The following EGFL8 variants were observed in gnomAD, a reference collection of about 807,000 sequenced individuals.
The protein encoded by EGFL8 is EGF like domain multiple 8, also known as epidermal growth factor-like protein 8.
A neutral mutation model predicts 39.4 loss-of-function variants in EGFL8; 32 were observed. The observed-to-expected ratio is 0.81, with a 90% CI of 0.61 to 1.09. The LOEUF (loss-of-function observed/expected upper bound fraction) is 1.09. EGFL8 is among the 50% of genes least tolerant of loss of function. EGFL8 has a pLI of 0.00. For synonymous variants in EGFL8, 177 were observed against 168.5 expected (o/e 1.05, Z -0.39); for missense variants, 385 against 402.2 (o/e 0.96, Z 0.37).
rs1289605084 is a variant in EGFL8, at chr6:32,167,807, T to C, written c.836-103T>C. The C allele has an allele frequency of 3.2e-6, 5 of 1,540,578 alleles. No individual in the cohort carries two copies. The Admixed American group carries it at 5.3e-5, about 16-fold the overall frequency. The stretch of plus-strand genomic sequence containing the variant: ...ACTTTACCATCGTTCTCTTCTGAAA[T>C]CCTGTCCCCAGCCCAACAGTTTCAC... On this transcript the variant is annotated intron_variant, in intron 8 of 8. Coordinates refer to ENST00000333845, the MANE Select transcript of EGFL8 (RefSeq NM_030652.4). The surrounding 1 kb of genome is among the most constrained non-coding windows in gnomAD (Gnocchi z 6.4).
At position 32,166,586 on chromosome 6, in the gene EGFL8, T is replaced by C. The variant is rs749479796; in HGVS notation, c.190T>C (p.Leu64=). The C allele has an allele frequency of 1.2e-6, 2 of 1,614,162 alleles. No homozygotes were observed. Among genetic ancestry groups the C allele is most frequent in the Non-Finnish European group, 1.7e-6 (2 of 1,180,018 alleles). ...ACCAGTGTACAAGCCCTACCTGACC[T>C]TGTGCGCTGGGAGGCGCATCTGCAG... is the stretch of plus-strand genomic sequence containing the variant. The part of the protein sequence containing the change: ...SQPVYKPYLT[L]CAGRRICSTY... The change falls in exon 3 of 9, where the codon TTG becomes CTG. Residue 64 remains leucine, a synonymous_variant. Transcript: ENST00000333845. The surrounding 1 kb of genome is among the most constrained non-coding windows in gnomAD (Gnocchi z 7.3).
chr6:32,166,879 T>G lies in EGFL8; in HGVS notation c.335-31T>G. On this transcript the variant is annotated intron_variant, in intron 4 of 8. Transcript: ENST00000333845. The surrounding 1 kb of genome is among the most constrained non-coding windows in gnomAD (Gnocchi z 7.3). ...GAGCTGGGGAGCTGGGTCGTCGGTT[T>G]GAGTCTGAACCCCACTTCCTCTGTC... 6.3e-7 allele frequency: 1 copy of G among 1,593,058 alleles called. No individual in the cohort carries two copies. The highest frequency in any genetic ancestry group is 8.6e-7 in the Non-Finnish European group (1 of 1,167,918).
chr6:32,167,808 C>T lies in EGFL8; in HGVS notation c.836-102C>T, dbSNP rs1784678120. ...CTTTACCATCGTTCTCTTCTGAAAT[C>T]CTGTCCCCAGCCCAACAGTTTCACT... is the stretch of plus-strand genomic sequence containing the variant. On this transcript the variant is annotated intron_variant, in intron 8 of 8. Transcript: ENST00000333845. This position sits in a 1 kb window ranked among gnomAD's most constrained non-coding sequence, Gnocchi z 6.4. 1 of 1,538,968 alleles carries T rather than the reference C, an allele frequency of 6.5e-7. No individual in the cohort carries two copies. The highest frequency in any genetic ancestry group is 1.4e-5 in the African/African-American group (1 of 73,176).
Position 32,166,366 on chromosome 6 carries a change from A to C in EGFL8, c.101+100A>C. On this transcript the variant is annotated intron_variant, in intron 2 of 8. Transcript: ENST00000333845. This position sits in a 1 kb window ranked among gnomAD's most constrained non-coding sequence, Gnocchi z 7.3. ...GGCAAAACATAACTGTAAGTTTAGA[A>C]TGGGGGTGAGAGGCTGTCATCTGGA... 9.5e-6 allele frequency: 15 copies of C among 1,578,204 alleles called. No homozygotes were observed. The highest frequency in any genetic ancestry group is 1.2e-5 in the Non-Finnish European group (14 of 1,150,632).
At position 32,166,030 on chromosome 6, in the gene EGFL8, T is replaced by C. The variant is rs1365362157; in HGVS notation, c.-28-108T>C. 2.5e-6 allele frequency: 2 copies of C among 804,584 alleles called. No individual in the cohort carries two copies. The highest frequency in any genetic ancestry group is 4.2e-6 in the Non-Finnish European group (2 of 471,992). The allele number at this position is 804,584 out of a possible 1,614,324, so 49.8% of individuals were successfully genotyped here. A position where few individuals can be genotyped will look rare whatever the true frequency, so the allele number is the denominator to read the frequency against. On this transcript the variant is annotated intron_variant, in intron 1 of 8. Transcript: ENST00000333845. This position sits in a 1 kb window ranked among gnomAD's most constrained non-coding sequence, Gnocchi z 7.3. The stretch of plus-strand genomic sequence containing the variant: ...CTGGTGGCTAGTATGTAAAAGTGAA[T>C]GTCCTGACTCCCTTAGAGGGTACCT...
At position 32,166,789 on chromosome 6, in the gene EGFL8, C is replaced by T; in HGVS notation, c.313C>T (p.Pro105Ser). 1 of 1,570,400 alleles carries T rather than the reference C, an allele frequency of 6.4e-7. No individual in the cohort carries two copies. Among genetic ancestry groups the T allele is most frequent in the Non-Finnish European group, 8.6e-7 (1 of 1,157,004 alleles). ...CTGCCAGGGCTGGAAGAAGCGGCAC[C>T]CGGGGGCGCTCACCTGTGAAGGTGA... ...VCCQGWKKRH[P>S]GALTCEAICA... Residue 105 changes from proline to serine, a missense_variant, in exon 4 of 9, where the codon CCG becomes TCG. Transcript: ENST00000333845. This position sits in a 1 kb window ranked among gnomAD's most constrained non-coding sequence, Gnocchi z 7.3.
Position 32,166,183 on chromosome 6 carries a change from G to A in EGFL8, c.18G>A (p.Glu6=). 1.9e-6 allele frequency: 3 copies of A among 1,614,154 alleles called. No individual in the cohort carries two copies. Among genetic ancestry groups the A allele is most frequent in the Non-Finnish European group, 2.5e-6 (3 of 1,180,016 alleles). MGSRA[E]LCTLLGGFSF... ...AGCGAATCATGGGGTCCAGGGCTGA[G>A]CTGTGCACTCTCTTAGGCGGATTCT... Residue 6 remains glutamate, a synonymous_variant, in exon 2 of 9, where the codon GAG becomes GAA. Coordinates refer to ENST00000333845, the MANE Select transcript of EGFL8 (RefSeq NM_030652.4). The surrounding 1 kb of genome is among the most constrained non-coding windows in gnomAD (Gnocchi z 7.3).
Position 32,166,656 on chromosome 6 carries a change from A to G in EGFL8, c.224+36A>G, listed in dbSNP as rs1404473793. The stretch of plus-strand genomic sequence containing the variant: ...GGGAGATGGGACCCCAAGAACCCCA[A>G]CTAGGACCCGTACTCAGGGTCCTGA... On this transcript the variant is annotated intron_variant, in intron 3 of 8. Transcript: ENST00000333845. This position sits in a 1 kb window ranked among gnomAD's most constrained non-coding sequence, Gnocchi z 7.3. The G allele has an allele frequency of 1.2e-6, 2 of 1,614,160 alleles. No individual in the cohort carries two copies. Among genetic ancestry groups the G allele is most frequent in the Non-Finnish European group, 1.7e-6 (2 of 1,179,996 alleles).
chr6:32,167,219 C>A lies in EGFL8; in HGVS notation c.563C>A (p.Pro188Gln), dbSNP rs1404665477. Residue 188 changes from proline (P) to glutamine (Q), a missense_variant, in exon 6 of 9, where the codon CCA becomes CAA. Coordinates refer to ENST00000333845, the MANE Select transcript of EGFL8 (RefSeq NM_030652.4). This position sits in a 1 kb window ranked among gnomAD's most constrained non-coding sequence, Gnocchi z 6.4. ...GGGCGCACCTGCATGGAGGGGTCCCCAGAGCCCCCAACCAGTGCCAGCATA... is the reference window on the plus strand; with the variant it reads ...GGGCGCACCTGCATGGAGGGGTCCCAAGAGCCCCCAACCAGTGCCAGCATA... The part of the protein sequence containing the change: ...VDGRTCMEGS[P>Q]EPPTSASILS... 4 of 1,612,606 alleles carry A rather than the reference C, an allele frequency of 2.5e-6. No homozygotes were observed. Among genetic ancestry groups the A allele is most frequent in the Admixed American group, 3.3e-5 (2 of 60,004 alleles).
At chr6:32,165,990 C>A in intron 1 of EGFL8, 148 bp from the exon 2 acceptor site, 1 of 660,654 alleles carries the variant, frequency 1.5e-6, no homozygotes, top group Non-Finnish European at 2.8e-6. Flanking sequence ...GTTGTACACA[C>A]AGGTGTAGGC....
Position 32,167,480 on chromosome 6 carries a change from C to G in EGFL8, c.682-23C>G. 1 of 1,610,272 alleles carries G rather than the reference C, an allele frequency of 6.2e-7. No individual in the cohort carries two copies. The highest frequency in any genetic ancestry group is 8.5e-7 in the Non-Finnish European group (1 of 1,179,726). On this transcript the variant is annotated intron_variant, in intron 7 of 8. Transcript: ENST00000333845. The surrounding 1 kb of genome is among the most constrained non-coding windows in gnomAD (Gnocchi z 6.4). Reference sequence around the variant, plus strand: ...GAGGCCAGACGTCACTGTCAATACCCTGAGGCATCTCTTCCTTTCTAGTGG... The same window carrying G: ...GAGGCCAGACGTCACTGTCAATACCGTGAGGCATCTCTTCCTTTCTAGTGG...
Position 32,167,786 on chromosome 6 carries a change from T to C in EGFL8, c.836-124T>C. On this transcript the variant is annotated intron_variant, in intron 8 of 8. Coordinates refer to ENST00000333845, the MANE Select transcript of EGFL8 (RefSeq NM_030652.4). This position sits in a 1 kb window ranked among gnomAD's most constrained non-coding sequence, Gnocchi z 6.4. ...TCACTATCCTCATGCCTCTCCACTT[T>C]ACCATCGTTCTCTTCTGAAATCCTG... The C allele has an allele frequency of 2.0e-6, 3 of 1,525,438 alleles. No homozygotes were observed. The highest frequency in any genetic ancestry group is 4.5e-4 in the Middle Eastern group (2 of 4,490). 94.5% of individuals were successfully genotyped at this position (1,525,438 alleles called of 1,614,324 possible).
chr6:32,166,226 A>T lies in EGFL8; in HGVS notation c.61A>T (p.Ile21Leu). Residue 21 changes from isoleucine to leucine, a missense_variant, in exon 2 of 9, where the codon ATA (isoleucine) becomes TTA (leucine). By Grantham distance (5) the Ile-to-Leu change is conservative (BLOSUM62 2). Transcript: ENST00000333845. The surrounding 1 kb of genome is among the most constrained non-coding windows in gnomAD (Gnocchi z 7.3). ...CGGATTCTCCTTCCTCCTGCTACTGATACCAGGCGAGGGGGCCAAGGGTGG... is the reference window on the plus strand; with the variant it reads ...CGGATTCTCCTTCCTCCTGCTACTGTTACCAGGCGAGGGGGCCAAGGGTGG... ...LGGFSFLLLL[I>L]PGEGAKGGSL... The T allele has an allele frequency of 1.2e-6, 2 of 1,614,020 alleles. No individual in the cohort carries two copies. The highest frequency in any genetic ancestry group is 2.2e-5 in the South Asian group (2 of 91,078).
Position 32,166,738 on chromosome 6 carries a change from G to C in EGFL8, c.262G>C (p.Glu88Gln). The C allele has an allele frequency of 6.3e-7, 1 of 1,590,430 alleles. No individual in the cohort carries two copies. Among genetic ancestry groups the C allele is most frequent in the Non-Finnish European group, 8.6e-7 (1 of 1,166,008 alleles). ...CGTTATGTGGCGGGAGGTGAGGCGG[G>C]AGGTTCAGCAGACCCATGCAGTGTG... ...YRVMWREVRR[E>Q]VQQTHAVCCQ... Residue 88 changes from glutamate to glutamine, a missense_variant, in exon 4 of 9, where the codon GAG becomes CAG. Transcript: ENST00000333845. The surrounding 1 kb of genome is among the most constrained non-coding windows in gnomAD (Gnocchi z 7.3).
chr6:32,164,666 GGAGA>G lies in EGFL8; in HGVS notation c.-29+17_-29+20del. On this transcript the variant is annotated intron_variant, in intron 1 of 8. Coordinates refer to ENST00000333845, the MANE Select transcript of EGFL8 (RefSeq NM_030652.4). The surrounding 1 kb of genome is among the most constrained non-coding windows in gnomAD (Gnocchi z 5.4). ...CAGGAGAAAGAAGCCAGGTGGGAATGGAGAGAGAGAGGAAGGCAAGTGGGGAGAG... is the reference window on the plus strand; with the variant it reads ...CAGGAGAAAGAAGCCAGGTGGGAATGGAGAGAGGAAGGCAAGTGGGGAGAG... 1 of 716,874 alleles carries G rather than the reference GGAGA, an allele frequency of 1.4e-6. No individual in the cohort carries two copies. The highest frequency in any genetic ancestry group is 2.6e-6 in the Non-Finnish European group (1 of 384,894). 44.4% of individuals were successfully genotyped at this position (716,874 alleles called of 1,614,324 possible).
At chr6:32,165,916 G>A (rs761839650) in intron 1 of EGFL8, 9 of 592,634 alleles carry the variant, frequency 1.5e-5, no homozygotes, top group Non-Finnish European at 2.4e-5. Context: ...GAGGGAGTGT[G>A]CTGGGGTGTG....
rs1244955279 is a variant in EGFL8 at position 32,166,829 on chromosome 6, G to A, written c.334+19G>A. The A allele has an allele frequency of 1.3e-6, 2 of 1,573,406 alleles. No individual in the cohort carries two copies. The highest frequency in any genetic ancestry group is 1.7e-6 in the Non-Finnish European group (2 of 1,158,722). On this transcript the variant is annotated intron_variant, in intron 4 of 8. Transcript: ENST00000333845. The surrounding 1 kb of genome is among the most constrained non-coding windows in gnomAD (Gnocchi z 7.3). Reference sequence around the variant, plus strand: ...TGTGAAGGTGAGGCTGGGTCTTCCGGGCCTTGCGGGAGGCGCGCCCCACGG... The same window carrying A: ...TGTGAAGGTGAGGCTGGGTCTTCCGAGCCTTGCGGGAGGCGCGCCCCACGG...
At position 32,168,255 on chromosome 6, in the gene EGFL8, T is replaced by C. The variant is rs1168301392; in HGVS notation, c.*299T>C. The stretch of plus-strand genomic sequence containing the variant: ...TTCAGTTTTTTTGCTGTTATCCAGA[T>C]AATTAATAAAAACCAACCACGCAAA... On this transcript the variant is annotated 3_prime_UTR_variant, in exon 9 of 9. Transcript: ENST00000333845. This position sits in a 1 kb window ranked among gnomAD's most constrained non-coding sequence, Gnocchi z 4.5. 4.8e-6 allele frequency: 2 copies of C among 413,674 alleles called. No homozygotes were observed. Among genetic ancestry groups the C allele is most frequent in the Admixed American group, 7.7e-5 (2 of 25,816 alleles). 25.6% of individuals were successfully genotyped at this position (413,674 alleles called of 1,614,324 possible). A position where few individuals can be genotyped will look rare whatever the true frequency, so the allele number is the denominator to read the frequency against.
chr6:32,166,712 G>T lies in EGFL8; in HGVS notation c.236G>T (p.Arg79Leu), dbSNP rs140183306. Residue 79 changes from arginine to leucine, a missense_variant, in exon 4 of 9, where the codon CGC (arginine) becomes CTC (leucine). By Grantham distance (102) the Arg-to-Leu change is moderately radical (BLOSUM62 -2). Transcript: ENST00000333845. This position sits in a 1 kb window ranked among gnomAD's most constrained non-coding sequence, Gnocchi z 7.3. Reference protein sequence around the residue: ...RICSTYRTMYRVMWREVRREV... With the variant: ...RICSTYRTMYLVMWREVRREV... ...GCGCTGTGTTCCAGGACCATGTACCGCGTTATGTGGCGGGAGGTGAGGCGG... is the reference window on the plus strand; with the variant it reads ...GCGCTGTGTTCCAGGACCATGTACCTCGTTATGTGGCGGGAGGTGAGGCGG... 6.2e-7 allele frequency: 1 copy of T among 1,603,778 alleles called. No individual in the cohort carries two copies. The highest frequency in any genetic ancestry group is 1.1e-5 in the South Asian group (1 of 90,246).
Sources: gnomAD v4.1 joint callset for allele counts on GRCh38, gnomAD v4.1.1 for gene constraint, Gnocchi (gnomAD v3.1) non-coding constraint, MANE v1.5 for transcripts, NCBI Gene and HGNC (gene_info 2026-07-23, HGNC 2026-07-21) for gene names.